PRKD1: variants seen among roughly 807,000 people sequenced by gnomAD.
PRKD1 encodes the protein protein kinase D1, also known as serine/threonine-protein kinase D1.
PRKD1 carries 63 observed loss-of-function variants against 95.9 expected under a neutral mutation model. The ratio of observed to expected loss-of-function variants is 0.66; its 90% confidence interval spans 0.54 to 0.81. PRKD1 has a LOEUF of 0.81. Ranked by LOEUF, PRKD1 falls within the 30% of genes least tolerant of loss-of-function variation. The probability of loss-of-function intolerance (pLI) is 0.00; values close to 1 mark genes in which losing one functional copy is unlikely to be tolerated. For missense variants in PRKD1, 1,048 were observed against 1,165.3 expected (o/e 0.90, Z 1.47); for synonymous variants, 425 against 423.1 (o/e 1.00, Z -0.05).
At chr14:29,676,628 T>C (rs1264747775) in intron 2 of PRKD1, among the ~76,000 whole-genome samples, 1 of 152,120 alleles carries the variant, frequency 6.6e-6, no homozygotes, top group Non-Finnish European at 1.5e-5. Flanking sequence ...GCTGGGATTA[T>C]AGGCATCAGC....
chr14:29,714,318 C>A (rs113801229), intron 2 of PRKD1, among the ~76,000 whole-genome samples: 6 of 152,294 alleles, frequency 3.9e-5, no homozygotes, highest in African/African-American at 1.4e-4. Context: ...ACAGACACTT[C>A]TCAAAAGAAG....
intron 1 of PRKD1, among the ~76,000 whole-genome samples, chr14:29,919,293 C>A (rs1285501874): frequency 6.6e-6 from 1 of 152,206 alleles, no homozygotes; most frequent in Non-Finnish European, 1.5e-5. Context: ...AACTTCTACA[C>A]AGGAAACTGT....
At chr14:29,798,949 A>T (rs1401259417) in intron 1 of PRKD1, among the ~76,000 whole-genome samples, 1 of 152,180 alleles carries the variant, frequency 6.6e-6, no homozygotes, top group Non-Finnish European at 1.5e-5. Flanking sequence ...ATTTTGCTGC[A>T]GGAGCGTAAA....
intron 1 of PRKD1, among the ~76,000 whole-genome samples, chr14:29,856,701 G>C (rs1288867743): frequency 6.6e-6 from 1 of 152,144 alleles, no homozygotes; most frequent in Non-Finnish European, 1.5e-5. Flanking sequence ...AAGAGTCCAA[G>C]TACCATGGGT....
At chr14:29,776,965 C>G (rs1335337492) in intron 1 of PRKD1, among the ~76,000 whole-genome samples, 2 of 152,154 alleles carry the variant, frequency 1.3e-5, no homozygotes, top group Non-Finnish European at 2.9e-5. Context: ...ACCCTACAAG[C>G]CAGAAGAGAG....
In PRKD1 at chr14:29,717,725, AG is replaced by A. The variant is rs1433062159; in HGVS notation, c.403+7810del. Among the ~76,000 whole-genome samples the A allele has an allele frequency of 2.0e-5, 3 of 152,290 alleles. No individual in the cohort carries two copies. In the East Asian group the frequency reaches 5.8e-4, roughly 29 times the overall value. On this transcript the variant is annotated intron_variant, in intron 2 of 17. Transcript: ENST00000331968. Reference sequence around the variant, plus strand: ...TGGCAAGAAATATTATTTATTTAAAAGTATACAGCATGAAGAATATAATGCA... The same window carrying A: ...TGGCAAGAAATATTATTTATTTAAAATATACAGCATGAAGAATATAATGCA...
chr14:29,911,699 T>C (rs1894719840), intron 1 of PRKD1, among the ~76,000 whole-genome samples: 1 of 152,230 alleles, frequency 6.6e-6, no homozygotes, highest in Non-Finnish European at 1.5e-5. Context: ...ATTAGTTTCT[T>C]ACTGTTCCTG....
intron 16 of PRKD1, among the ~76,000 whole-genome samples, chr14:29,584,839 A>G (rs893329528): frequency 2.4e-5 from 3 of 125,186 alleles, no homozygotes; most frequent in African/African-American, 8.8e-5. Context: ...CATGCAGATT[A>G]TGTTTATTTT....
intron 1 of PRKD1, among the ~76,000 whole-genome samples, chr14:29,726,113 T>C (rs187974483): frequency 1.3e-5 from 2 of 152,290 alleles, no homozygotes; most frequent in Middle Eastern, 3.4e-3. Flanking sequence ...GGTCTGTCTG[T>C]TTTGGCATAT....
chr14:29,612,683 A>G (rs953576254), intron 13 of PRKD1, among the ~76,000 whole-genome samples: 1 of 152,182 alleles, frequency 6.6e-6, no homozygotes, highest in Admixed American at 6.6e-5. Context: ...TATAATAGAT[A>G]GTTGTTTTCC....
chr14:29,720,748 C>G (rs1344040003), intron 2 of PRKD1, among the ~76,000 whole-genome samples: 3 of 151,234 alleles, frequency 2.0e-5, no homozygotes, highest in Admixed American at 1.3e-4. Context: ...CCACTGCACT[C>G]CAGCCTGGGT....
intron 2 of PRKD1, among the ~76,000 whole-genome samples, chr14:29,707,486 C>T (rs1885147752): frequency 6.6e-6 from 1 of 152,090 alleles, no homozygotes. Context: ...GAGAATATAG[C>T]ATATAGCAAT....
Position 29,725,566 on chromosome 14 carries a change from C to A in PRKD1, c.373G>T (p.Glu125Ter), listed in dbSNP as rs1886098386. The A allele has an allele frequency of 1.2e-6, 2 of 1,613,636 alleles. No individual in the cohort carries two copies. Among genetic ancestry groups the A allele is most frequent in the Non-Finnish European group, 1.7e-6 (2 of 1,179,766 alleles). Residue 125 changes from glutamate to a stop codon, truncating the protein, a stop_gained, in exon 2 of 18, where the codon GAA becomes TAA. Coordinates refer to ENST00000331968, the MANE Select transcript of PRKD1 (RefSeq NM_002742.3). LOFTEE classifies it high-confidence loss of function. Reference protein sequence around the residue: ...QLVKAASDIQEGDLIEVVLSA... With the variant: ...QLVKAASDIQ ...AAGACCACTTCAATAAGATCGCCTT[C>A]CTGGATATCACTGGCCGCTTTCACC...
chr14:29,885,055 G>A (rs1271980236), intron 1 of PRKD1, among the ~76,000 whole-genome samples: 2 of 151,288 alleles, frequency 1.3e-5, no homozygotes, highest in Non-Finnish European at 1.5e-5. Context: ...CCCGGGAGGC[G>A]GAGCTTGCAG....
chr14:29,879,673 G>A (rs1893433327), intron 1 of PRKD1, among the ~76,000 whole-genome samples: 1 of 152,288 alleles, frequency 6.6e-6, no homozygotes, highest in African/African-American at 2.4e-5. Flanking sequence ...GGGCTCAGAA[G>A]AAGACAGGAA....
chr14:29,688,881 A>G (rs1257844597), intron 2 of PRKD1, among the ~76,000 whole-genome samples: 3 of 144,594 alleles, frequency 2.1e-5, no homozygotes, highest in Non-Finnish European at 4.5e-5. Flanking sequence ...TGGAGTAGGC[A>G]GAGGCTGGAG....
chr14:29,786,034 T>C (rs1181247572), intron 1 of PRKD1, among the ~76,000 whole-genome samples: 1 of 152,152 alleles, frequency 6.6e-6, no homozygotes, highest in East Asian at 1.9e-4. Flanking sequence ...CCTAATTTGT[T>C]CAGAGTTTTC....
intron 1 of PRKD1, among the ~76,000 whole-genome samples, chr14:29,739,427 T>C (rs1299849454): frequency 6.6e-6 from 1 of 152,170 alleles, no homozygotes; most frequent in East Asian, 1.9e-4. Flanking sequence ...AAAAAACGGT[T>C]TTCCTTCATA....
chr14:29,777,514 C>A (rs1202379798), intron 1 of PRKD1, among the ~76,000 whole-genome samples: 1 of 152,132 alleles, frequency 6.6e-6, no homozygotes, highest in Non-Finnish European at 1.5e-5. Context: ...ATAAAACAGA[C>A]TTTAAACCAA....
Sources: gnomAD v4.1 joint callset for allele counts (sites outside exome capture counted in the v4.1 genomes callset) on GRCh38, gnomAD v4.1.1 for gene constraint, MANE v1.5 for transcripts, NCBI Gene and HGNC (gene_info 2026-07-23, HGNC 2026-07-21) for gene names.